XXYLT1: variants seen among roughly 807,000 people sequenced by gnomAD.
XXYLT1 encodes the protein UDP-xylose:alpha-xyloside alpha-1,3-xylosyltransferase.
A neutral mutation model predicts 28.9 loss-of-function variants in XXYLT1; 20 were observed. The observed-to-expected ratio is 0.69, with a 90% CI of 0.49 to 1.00. The LOEUF (loss-of-function observed/expected upper bound fraction) is 1.00. Among genes scored for constraint, XXYLT1 ranks in the 50% least tolerant of loss-of-function variants. The pLI is 0.00. For synonymous variants in XXYLT1, 257 were observed against 253.8 expected (o/e 1.01, Z -0.12); for missense variants, 542 against 560.1 (o/e 0.97, Z 0.33).
At chr3:195,243,918 G>T (rs921750542) in intron 1 of XXYLT1, among the ~76,000 whole-genome samples, 2 of 152,290 alleles carry the variant, frequency 1.3e-5, no homozygotes, top group Non-Finnish European at 2.9e-5. Context: ...GAGGGGAAAA[G>T]CAGCCTGCCC....
At chr3:195,237,347 G>A (rs1724593368) in intron 1 of XXYLT1, among the ~76,000 whole-genome samples, 1 of 152,144 alleles carries the variant, frequency 6.6e-6, no homozygotes, top group Admixed American at 6.5e-5. Context: ...GCAGCAATGA[G>A]TTCCAATGCA....
chr3:195,120,292 C>CCCA (rs10663519), intron 3 of XXYLT1, among the ~76,000 whole-genome samples: 1 of 144,026 alleles, frequency 6.9e-6, no homozygotes, highest in South Asian at 2.4e-4. Context: ...ATGCCCCCCC[C>CCCA]GCCCCAGCCC....
At chr3:195,204,935 A>T (rs1379817081) in intron 2 of XXYLT1, among the ~76,000 whole-genome samples, 1 of 152,246 alleles carries the variant, frequency 6.6e-6, no homozygotes, top group Non-Finnish European at 1.5e-5. Context: ...AGATAATCCC[A>T]ATCACGCAAG....
intron 3 of XXYLT1, among the ~76,000 whole-genome samples, chr3:195,144,727 G>A (rs575908762): frequency 4.6e-5 from 7 of 152,254 alleles, no homozygotes; most frequent in African/African-American, 1.7e-4. Flanking sequence ...AGGGCCTCAA[G>A]GATTCTACTA....
At position 195,115,980 on chromosome 3, in the gene XXYLT1, C is replaced by A. The variant is rs553805560; in HGVS notation, c.785+40469G>T. ...ACTCAAGTCAGGCAGCTGAAGCATG[C>A]ACTATTTGCCACAAACGGAGTCGGG... On this transcript the variant is annotated intron_variant, in intron 3 of 3. Transcript: ENST00000310380. The surrounding 1 kb of genome is among the most constrained non-coding windows in gnomAD (Gnocchi z 4.2). 4.6e-4 allele frequency among the ~76,000 whole-genome samples: 70 copies of A among 152,222 alleles called. No individual in the cohort carries two copies. Among genetic ancestry groups the A allele is most frequent in the African/African-American group, 1.6e-3 (66 of 41,526 alleles).
intron 3 of XXYLT1, among the ~76,000 whole-genome samples, chr3:195,135,617 G>T (rs1466021848): frequency 1.3e-5 from 2 of 152,240 alleles, no homozygotes; most frequent in East Asian, 3.8e-4. Context: ...CCACGGGAAT[G>T]ACACTGTGGC....
At chr3:195,186,201 G>T (rs1468629357) in intron 2 of XXYLT1, among the ~76,000 whole-genome samples, 3 of 152,182 alleles carry the variant, frequency 2.0e-5, no homozygotes, top group African/African-American at 7.2e-5. Context: ...CCCAACAACT[G>T]GAACTCTTCG....
intron 1 of XXYLT1, among the ~76,000 whole-genome samples, chr3:195,246,348 T>C (rs146448682): frequency 9.5e-4 from 144 of 152,334 alleles, no homozygotes; most frequent in African/African-American, 3.3e-3. Context: ...CCCCTCACCC[T>C]GCTCGTGTCT....
intron 2 of XXYLT1, chr3:195,175,488 T>G: frequency 3.5e-4 from 462 of 1,301,514 alleles, no homozygotes; most frequent in Non-Finnish European, 4.3e-4. Context: ...AGGACGACAA[T>G]GAGTTCTGTG....
At chr3:195,187,626 A>G (rs748050344) in intron 2 of XXYLT1, among the ~76,000 whole-genome samples, 11 of 152,222 alleles carry the variant, frequency 7.2e-5, no homozygotes, top group Non-Finnish European at 1.3e-4. Flanking sequence ...CCACCCCTGG[A>G]CATTATTCCT....
Position 195,176,591 on chromosome 3 carries a change from A to T in XXYLT1, c.653-20010T>A, listed in dbSNP as rs1721677282. Among the ~76,000 whole-genome samples, 1 of 152,168 alleles carries T rather than the reference A, an allele frequency of 6.6e-6. No individual in the cohort carries two copies. Among genetic ancestry groups the T allele is most frequent in the Non-Finnish European group, 1.5e-5 (1 of 68,040 alleles). ...TTTGATTAATTTATCGTGTTTATTA[A>T]GCTCCCTAGCTTCTCCAGTTCCTCA... On this transcript the variant is annotated intron_variant, in intron 2 of 3. Transcript: ENST00000310380. The surrounding 1 kb of genome is among the most constrained non-coding windows in gnomAD (Gnocchi z 4.9).
rs562302419 is a variant in XXYLT1 at position 195,173,432 on chromosome 3, G to C, written c.653-16851C>G. ...TTACCTAGGAGGTGCTCGACACTAA[G>C]TAACATTCTGGTTCATATAAGACTG... On this transcript the variant is annotated intron_variant, in intron 2 of 3. Transcript: ENST00000310380. The surrounding 1 kb of genome is among the most constrained non-coding windows in gnomAD (Gnocchi z 4.3). Among the ~76,000 whole-genome samples, 1 of 152,198 alleles carries C rather than the reference G, an allele frequency of 6.6e-6. No homozygotes were observed. The highest frequency in any genetic ancestry group is 1.5e-5 in the Non-Finnish European group (1 of 68,040).
chr3:195,252,240 CT>C (rs1369439432), intron 1 of XXYLT1, among the ~76,000 whole-genome samples: 8 of 152,138 alleles, frequency 5.3e-5, no homozygotes, highest in African/African-American at 1.7e-4. Flanking sequence ...ACACCAACTT[CT>C]TATTTGTGAC....
At chr3:195,114,854 C>T (rs1290399632) in intron 3 of XXYLT1, among the ~76,000 whole-genome samples, 1 of 152,238 alleles carries the variant, frequency 6.6e-6, no homozygotes, top group Non-Finnish European at 1.5e-5. Context: ...AGTGAAGCCG[C>T]TCAGTGGTCT....
At chr3:195,079,066 C>G (rs953596784) in intron 3 of XXYLT1, among the ~76,000 whole-genome samples, 4 of 152,222 alleles carry the variant, frequency 2.6e-5, no homozygotes, top group African/African-American at 9.6e-5. Context: ...ACCCCTGCCC[C>G]CAGATGGTCA....
At chr3:195,120,827 G>C (rs1278926546) in intron 3 of XXYLT1, among the ~76,000 whole-genome samples, 3 of 152,316 alleles carry the variant, frequency 2.0e-5, no homozygotes, top group Admixed American at 2.0e-4. Context: ...GCACGGAGAG[G>C]GTGTGCGGCC....
At chr3:195,233,666 C>T (rs1468085158) in intron 1 of XXYLT1, among the ~76,000 whole-genome samples, 2 of 150,074 alleles carry the variant, frequency 1.3e-5, no homozygotes, top group African/African-American at 2.5e-5. Context: ...CTTCATCTCC[C>T]CACTTTTTAA....
rs760477766 is a variant in XXYLT1 at position 195,226,751 on chromosome 3, T to C, written c.610A>G (p.Ile204Val). The change falls in exon 2 of 4, where the codon ATC becomes GTC. Residue 204 changes from isoleucine to valine, a missense_variant. Ile to Val is a conservative substitution (Grantham distance 29). Coordinates refer to ENST00000310380, the MANE Select transcript of XXYLT1 (RefSeq NM_152531.5). The stretch of plus-strand genomic sequence containing the variant: ...TGCATGGCGACCGAGAGGAAGAAGA[T>C]GGAGTCACTGTAGTAGGTTCCCAAG... ...AGLGTYYSDS[I>V]FFLSVAMHQI... The C allele has an allele frequency of 2.5e-6, 4 of 1,611,788 alleles. No individual in the cohort carries two copies. Among genetic ancestry groups the C allele is most frequent in the East Asian group, 2.2e-5 (1 of 44,676 alleles).
chr3:195,223,048 A>AC lies in XXYLT1; in HGVS notation c.652+3660dup, dbSNP rs1464629985. Among the ~76,000 whole-genome samples the AC allele has an allele frequency of 4.0e-5, 6 of 150,944 alleles. No individual in the cohort carries two copies. In the East Asian group the frequency reaches 1.2e-3, roughly 29 times the overall value. On this transcript the variant is annotated intron_variant, in intron 2 of 3. Coordinates refer to ENST00000310380, the MANE Select transcript of XXYLT1 (RefSeq NM_152531.5). ...AAACCAGCCTGGCCAATATGGTGAA[A>AC]CCCCATCTCTACTAAAAATACAAAA...
Sources: allele counts gnomAD v4.1 joint callset (sites outside exome capture counted in the v4.1 genomes callset), GRCh38; gene constraint gnomAD v4.1.1; non-coding constraint Gnocchi (gnomAD v3.1); transcripts MANE v1.5; gene names NCBI Gene and HGNC (gene_info 2026-07-23, HGNC 2026-07-21).